KIRREL3: variants seen among roughly 807,000 people sequenced by gnomAD.
KIRREL3 encodes the protein kirre like nephrin family adhesion molecule 3.
In KIRREL3, 36 loss-of-function variants were observed where a neutral mutation model predicts 89.7. That is an observed-to-expected ratio of 0.40 (90% CI 0.31 to 0.53). The LOEUF (loss-of-function observed/expected upper bound fraction) is 0.53, where lower values mean the gene tolerates loss of function less well. Among genes scored for constraint, KIRREL3 ranks in the 20% least tolerant of loss-of-function variants. KIRREL3 has a pLI of 0.49. For missense variants in KIRREL3, 864 were observed against 1,056.6 expected (o/e 0.82, Z 2.53); for synonymous variants, 445 against 441.4 (o/e 1.01, Z -0.10).
At chr11:126,706,915 A>AT (rs541563139) in intron 1 of KIRREL3, among the ~76,000 whole-genome samples, 1 of 147,436 alleles carries the variant, frequency 6.8e-6, no homozygotes, top group Admixed American at 6.8e-5. Flanking sequence ...TGTGCTATAC[A>AT]TTTTTTTCCA....
At position 126,519,455 on chromosome 11, in the gene KIRREL3, T is replaced by G. The variant is rs1412285433; in HGVS notation, c.433+1860A>C. On this transcript the variant is annotated intron_variant, in intron 4 of 16. Coordinates refer to ENST00000525144, the MANE Select transcript of KIRREL3 (RefSeq NM_032531.4). The surrounding 1 kb of genome is among the most constrained non-coding windows in gnomAD (Gnocchi z 4.3). ...AAAACATTCGAAATAATCTGGACTT[T>G]TAATACGTTGGACTTTTTTACGTAA... is the stretch of plus-strand genomic sequence containing the variant. 6.6e-6 allele frequency among the ~76,000 whole-genome samples: 1 copy of G among 152,254 alleles called. No individual in the cohort carries two copies. The highest frequency in any genetic ancestry group is 1.5e-5 in the Non-Finnish European group (1 of 68,048).
intron 1 of KIRREL3, among the ~76,000 whole-genome samples, chr11:126,595,625 C>A (rs1254298445): frequency 6.6e-6 from 1 of 152,180 alleles, no homozygotes; most frequent in Admixed American, 6.5e-5. Flanking sequence ...GGACTGTGTC[C>A]TTTGCCTAAG....
chr11:126,719,078 C>G lies in KIRREL3; in HGVS notation c.56-156166G>C, dbSNP rs1948075421. ...TTTTCCTCCTGCTATACCTCCTTTGCTGTGTTCTCTTTTACAGAACTCAGA... is the reference window on the plus strand; with the variant it reads ...TTTTCCTCCTGCTATACCTCCTTTGGTGTGTTCTCTTTTACAGAACTCAGA... On this transcript the variant is annotated intron_variant, in intron 1 of 16. Transcript: ENST00000525144. This position sits in a 1 kb window ranked among gnomAD's most constrained non-coding sequence, Gnocchi z 4.7. Among the ~76,000 whole-genome samples, 1 of 152,232 alleles carries G rather than the reference C, an allele frequency of 6.6e-6. No homozygotes were observed. Among genetic ancestry groups the G allele is most frequent in the Non-Finnish European group, 1.5e-5 (1 of 68,052 alleles).
chr11:126,767,505 G>A (rs115301402), intron 1 of KIRREL3, among the ~76,000 whole-genome samples: 3,311 of 152,072 alleles, frequency 0.022, 120 homozygotes, highest in African/African-American at 0.076. Flanking sequence ...TGTTAGTTTT[G>A]AACCCTGGCC....
intron 1 of KIRREL3, among the ~76,000 whole-genome samples, chr11:126,792,824 CTATACTGTTTAGGGA>C (rs1426476984): frequency 6.6e-6 from 1 of 152,146 alleles, no homozygotes; most frequent in African/African-American, 2.4e-5. Flanking sequence ...CAGAACTAAA[CTATACTGTTTAGGGA>C]TATACACGTG....
intron 1 of KIRREL3, among the ~76,000 whole-genome samples, chr11:126,840,556 G>T (rs55692814): frequency 6.6e-6 from 1 of 152,082 alleles, no homozygotes; most frequent in African/African-American, 2.4e-5. Flanking sequence ...TTCACGCTCC[G>T]ATTTCAGTTC....
rs1425727351 is a variant in KIRREL3, at chr11:126,768,388, A to G, written c.56-205476T>C. On this transcript the variant is annotated intron_variant, in intron 1 of 16. Coordinates refer to ENST00000525144, the MANE Select transcript of KIRREL3 (RefSeq NM_032531.4). This position sits in a 1 kb window ranked among gnomAD's most constrained non-coding sequence, Gnocchi z 4.5. ...AGTGCTCATTGTATGCAGGCACTGC[A>G]TGTCCCAGGTCTGGAAATGCCTATG... Among the ~76,000 whole-genome samples the G allele has an allele frequency of 1.3e-5, 2 of 152,238 alleles. No individual in the cohort carries two copies. The highest frequency in any genetic ancestry group is 2.9e-5 in the Non-Finnish European group (2 of 68,038).
rs1956602171 is a variant in KIRREL3, at chr11:126,463,119, C to T, written c.742+38G>A. On this transcript the variant is annotated intron_variant, in intron 6 of 16. Transcript: ENST00000525144. The surrounding 1 kb of genome is among the most constrained non-coding windows in gnomAD (Gnocchi z 5.9). ...GGTTGCTGGGTGTTTCACCCTGGGC[C>T]TGGCAGGGCTGGGTTGGGGGAGGGG... 6.3e-7 allele frequency: 1 copy of T among 1,589,886 alleles called. No individual in the cohort carries two copies. Among genetic ancestry groups the T allele is most frequent in the Non-Finnish European group, 8.6e-7 (1 of 1,163,226 alleles).
Position 126,917,330 on chromosome 11 carries a change from T to C in KIRREL3, c.55+83125A>G, listed in dbSNP as rs765808467. On this transcript the variant is annotated intron_variant, in intron 1 of 16. Transcript: ENST00000525144. This position sits in a 1 kb window ranked among gnomAD's most constrained non-coding sequence, Gnocchi z 5.0. ...GAAGTGGGAGTTATTGCTTAATGGG[T>C]ACAGAATTTCTGTTTACAGTGATGA... Among the ~76,000 whole-genome samples the C allele has an allele frequency of 5.3e-5, 8 of 152,150 alleles. No individual in the cohort carries two copies.
At chr11:126,690,111 C>G (rs1232993114) in intron 1 of KIRREL3, among the ~76,000 whole-genome samples, 1 of 152,204 alleles carries the variant, frequency 6.6e-6, no homozygotes, top group African/African-American at 2.4e-5. Context: ...GTCTCTCAAC[C>G]TCCCCAGTTT....
Position 126,795,637 on chromosome 11 carries a change from G to A in KIRREL3, c.55+204818C>T, listed in dbSNP as rs1342548403. On this transcript the variant is annotated intron_variant, in intron 1 of 16. Transcript: ENST00000525144. The surrounding 1 kb of genome is among the most constrained non-coding windows in gnomAD (Gnocchi z 4.1). The stretch of plus-strand genomic sequence containing the variant: ...GACCTCAGGTGATCCACCCTCCTCG[G>A]CCTCCCCAAGTGCCAGGATTACAGG... 6.6e-6 allele frequency among the ~76,000 whole-genome samples: 1 copy of A among 152,068 alleles called. No homozygotes were observed. Among genetic ancestry groups the A allele is most frequent in the Non-Finnish European group, 1.5e-5 (1 of 68,020 alleles).
intron 1 of KIRREL3, among the ~76,000 whole-genome samples, chr11:126,663,486 C>T (rs908967563): frequency 5.9e-5 from 9 of 152,148 alleles, no homozygotes; most frequent in African/African-American, 2.2e-4. Flanking sequence ...CAAGACAAAG[C>T]TTTTGATAGT....
chr11:126,633,669 C>G (rs1464466949), intron 1 of KIRREL3, among the ~76,000 whole-genome samples: 3 of 152,328 alleles, frequency 2.0e-5, no homozygotes, highest in Admixed American at 6.5e-5. Context: ...GCACACCCTA[C>G]ATAACCATGA....
At chr11:126,649,429 A>C (rs1261219769) in intron 1 of KIRREL3, among the ~76,000 whole-genome samples, 1 of 152,252 alleles carries the variant, frequency 6.6e-6, no homozygotes, top group African/African-American at 2.4e-5. Flanking sequence ...TGTAAAATCA[A>C]AAGCAAGCTA....
chr11:126,709,584 T>C lies in KIRREL3; in HGVS notation c.56-146672A>G, dbSNP rs1947677218. ...GTTAAAATGAGGTCATTAGGGTGCG[T>C]CCTAATCCTGCATGACTGGTGTCCT... On this transcript the variant is annotated intron_variant, in intron 1 of 16. Transcript: ENST00000525144. The surrounding 1 kb of genome is among the most constrained non-coding windows in gnomAD (Gnocchi z 4.0). Among the ~76,000 whole-genome samples, 1 of 152,120 alleles carries C rather than the reference T, an allele frequency of 6.6e-6. No individual in the cohort carries two copies. Among genetic ancestry groups the C allele is most frequent in the Admixed American group, 6.5e-5 (1 of 15,274 alleles).
In KIRREL3 at chr11:126,951,082, T is replaced by C. The variant is rs997124201; in HGVS notation, c.55+49373A>G. ...ATCTTCCAAGCCCCTTTGCAATGTA[T>C]CGTCAGATAATCCCAGGCTCTGGAG... On this transcript the variant is annotated intron_variant, in intron 1 of 16. Coordinates refer to ENST00000525144, the MANE Select transcript of KIRREL3 (RefSeq NM_032531.4). 3.3e-5 allele frequency among the ~76,000 whole-genome samples: 5 copies of C among 152,334 alleles called. No individual in the cohort carries two copies. The South Asian group carries it at 1.0e-3, about 32-fold the overall frequency.
At chr11:126,692,334 C>A (rs1458189934) in intron 1 of KIRREL3, among the ~76,000 whole-genome samples, 2 of 151,932 alleles carry the variant, frequency 1.3e-5, no homozygotes, top group Admixed American at 1.3e-4. Context: ...CACTTGAGGT[C>A]AGGAGTTCGA....
rs1446935621 is a variant in KIRREL3, at chr11:126,763,062, C to T, written c.56-200150G>A. Among the ~76,000 whole-genome samples the T allele has an allele frequency of 2.0e-5, 3 of 152,150 alleles. No homozygotes were observed. Among genetic ancestry groups the T allele is most frequent in the Admixed American group, 6.5e-5 (1 of 15,278 alleles). On this transcript the variant is annotated intron_variant, in intron 1 of 16. Transcript: ENST00000525144. This position sits in a 1 kb window ranked among gnomAD's most constrained non-coding sequence, Gnocchi z 4.7. ...GCATAACTAGGTAGGTAGAGAGGGG[C>T]TATGCCCAGGAGTATTGCCCCAACT...
In KIRREL3 at chr11:126,763,622, T is replaced by C. The variant is rs1418758415; in HGVS notation, c.56-200710A>G. Among the ~76,000 whole-genome samples, 1 of 152,220 alleles carries C rather than the reference T, an allele frequency of 6.6e-6. No individual in the cohort carries two copies. The highest frequency in any genetic ancestry group is 1.5e-5 in the Non-Finnish European group (1 of 68,026). On this transcript the variant is annotated intron_variant, in intron 1 of 16. Coordinates refer to ENST00000525144, the MANE Select transcript of KIRREL3 (RefSeq NM_032531.4). The surrounding 1 kb of genome is among the most constrained non-coding windows in gnomAD (Gnocchi z 4.7). ...GCGAGAGTAGGTGGTAGGTAGGCAA[T>C]GGCCAGTGGGGCCAGCGCGGGTTTG...
Sources: gnomAD v4.1 joint callset for allele counts (sites outside exome capture counted in the v4.1 genomes callset) on GRCh38, gnomAD v4.1.1 for gene constraint, Gnocchi (gnomAD v3.1) non-coding constraint, MANE v1.5 for transcripts, NCBI Gene and HGNC (gene_info 2026-07-23, HGNC 2026-07-21) for gene names.